The following ACAD10 variants were observed in gnomAD, a reference collection of about 807,000 sequenced individuals.
ACAD10 encodes acyl-CoA dehydrogenase family member 10.
ACAD10 carries 112 observed loss-of-function variants against 116.8 expected under a neutral mutation model. That is an observed-to-expected ratio of 0.96 (90% CI 0.82 to 1.12). The LOEUF is 1.12. Among genes scored for constraint, ACAD10 ranks in the 50% most tolerant of loss-of-function variants. The probability of loss-of-function intolerance (pLI) is 0.00; values close to 1 mark genes in which losing one functional copy is unlikely to be tolerated. For missense variants in ACAD10, 1,259 were observed against 1,350.2 expected (o/e 0.93, Z 1.06); for synonymous variants, 486 against 510.6 (o/e 0.95, Z 0.65).
At position 111,715,872 on chromosome 12, in the gene ACAD10, A is replaced by C. The variant is rs554022849; in HGVS notation, c.902A>C (p.Tyr301Ser). 22 of 1,614,088 alleles carry C rather than the reference A, an allele frequency of 1.4e-5. No homozygotes were observed. Among genetic ancestry groups the C allele is most frequent in the Non-Finnish European group, 1.4e-5 (17 of 1,180,018 alleles). The change falls in exon 7 of 21, where the codon TAC becomes TCC. Residue 301 changes from tyrosine (Y) to serine (S), a missense_variant. Transcript: ENST00000313698. ...FDHGQSNPTYYIRLANRDLVL... is the reference protein window; with the variant it reads ...FDHGQSNPTYSIRLANRDLVL... ...CACGGGCAGTCAAATCCAACTTACT[A>C]CATCAGGCTGGCTAATCGTGATCTA...
At chr12:111,749,033 C>T in intron 17 of ACAD10, 140 bp from the exon 18 acceptor site, 1 of 1,613,030 alleles carries the variant, frequency 6.2e-7, no homozygotes, top group Non-Finnish European at 8.5e-7. Flanking sequence ...CGTCCTTTTC[C>T]CTTTAACCAT....
chr12:111,705,500 G>A (rs189541826), intron 3 of ACAD10, among the ~76,000 whole-genome samples: 25 of 152,310 alleles, frequency 1.6e-4, no homozygotes, highest in Middle Eastern at 3.4e-3. Context: ...TGGGATTACA[G>A]GTGTGAGCCA....
At chr12:111,727,879 A>G in intron 8 of ACAD10, 83 bp from the exon 9 acceptor site, 1 of 1,386,472 alleles carries the variant, frequency 7.2e-7, no homozygotes, top group Non-Finnish European at 9.9e-7. Context: ...ATACCCAGGG[A>G]AAGTGACAAA....
chr12:111,748,975 A>G (rs1889992854), intron 17 of ACAD10, 198 bp from the exon 18 acceptor site: 5 of 1,579,804 alleles, frequency 3.2e-6, no homozygotes, highest in East Asian at 2.3e-5. Flanking sequence ...GTCATTTGCC[A>G]TTATAAATCA....
intron 2 of ACAD10, among the ~76,000 whole-genome samples, chr12:111,694,472 A>G (rs11066003): frequency 0.078 from 11,884 of 152,130 alleles, 1,614 homozygotes; most frequent in East Asian, 0.62. Flanking sequence ...ACTGCACCCC[A>G]GACTGGCACA....
chr12:111,704,885 C>G (rs1282815425), intron 3 of ACAD10, among the ~76,000 whole-genome samples: 1 of 151,690 alleles, frequency 6.6e-6, no homozygotes, highest in African/African-American at 2.4e-5. Flanking sequence ...TAAGGGGTTT[C>G]ACCATGTTAG....
chr12:111,735,901 A>T (rs1889542737), intron 11 of ACAD10, among the ~76,000 whole-genome samples: 1 of 151,572 alleles, frequency 6.6e-6, no homozygotes. Context: ...TATTTTTGAG[A>T]TGGAGTCTCA....
Position 111,709,394 on chromosome 12 carries a change from C to T in ACAD10, c.532-132C>T, listed in dbSNP as rs538707327. 10 of 754,030 alleles carry T rather than the reference C, an allele frequency of 1.3e-5. No homozygotes were observed. The Admixed American group carries it at 1.9e-4, about 14-fold the overall frequency. 46.7% of individuals were successfully genotyped at this position (754,030 alleles called of 1,614,324 possible). On this transcript the variant is annotated intron_variant, in intron 4 of 20. Transcript: ENST00000313698. ...AAGGCAACATCATTTTATATCATAA[C>T]ACTCTTAAATTACTTGTTATAATAA...
chr12:111,745,302 C>T (rs887796702), intron 13 of ACAD10: 1 of 514,080 alleles, frequency 1.9e-6, no homozygotes, highest in East Asian at 2.9e-5. Context: ...CCTTAGAAAG[C>T]CAGGGCAGGT....
At chr12:111,720,153 T>G (rs1362976758) in intron 7 of ACAD10, among the ~76,000 whole-genome samples, 1 of 152,240 alleles carries the variant, frequency 6.6e-6, no homozygotes, top group African/African-American at 2.4e-5. Context: ...CATGAGCTAG[T>G]GTGCTGGGCT....
intron 18 of ACAD10, chr12:111,753,297 G>T: frequency 2.8e-6 from 1 of 353,450 alleles, no homozygotes; most frequent in Non-Finnish European, 5.6e-6. Flanking sequence ...GAGCGAGACG[G>T]GGCTGAGGGG....
chr12:111,705,483 A>G (rs1888472729), intron 3 of ACAD10, among the ~76,000 whole-genome samples: 1 of 152,090 alleles, frequency 6.6e-6, no homozygotes, highest in Non-Finnish European at 1.5e-5. Context: ...TCAGCCTCCC[A>G]CAGTGCTGGG....
chr12:111,697,911 T>C (rs1042268400), intron 2 of ACAD10, among the ~76,000 whole-genome samples: 2 of 151,550 alleles, frequency 1.3e-5, no homozygotes, highest in East Asian at 3.9e-4. Flanking sequence ...TTAATGTTCA[T>C]TTGCCTGATT....
chr12:111,733,272 AT>A (rs999248665), intron 10 of ACAD10, among the ~76,000 whole-genome samples: 1 of 151,208 alleles, frequency 6.6e-6, no homozygotes, highest in African/African-American at 2.4e-5. Flanking sequence ...TAATTTTTAA[AT>A]TTTTTTTTGT....
At chr12:111,702,866 G>A (rs1311705545) in intron 3 of ACAD10, among the ~76,000 whole-genome samples, 3 of 152,036 alleles carry the variant, frequency 2.0e-5, no homozygotes, top group African/African-American at 7.2e-5. Context: ...GGCTGAGACA[G>A]GAGAAGTGTT....
At position 111,712,632 on chromosome 12, in the gene ACAD10, A is replaced by G; in HGVS notation, c.825A>G (p.Lys275=). The change falls in exon 6 of 21, where the codon AAA becomes AAG. Residue 275 remains lysine (K), a synonymous_variant. Coordinates refer to ENST00000313698, the MANE Select transcript of ACAD10 (RefSeq NM_025247.6). The stretch of plus-strand genomic sequence containing the variant: ...AAGATTCCTTGCAGAAGTACCTCAA[A>G]GACTTACTGGGTATCCAGACCACAG... The part of the protein sequence containing the change: ...IPKDSLQKYL[K]DLLGIQTTGP... 6.2e-7 allele frequency: 1 copy of G among 1,614,144 alleles called. No individual in the cohort carries two copies. The highest frequency in any genetic ancestry group is 8.5e-7 in the Non-Finnish European group (1 of 1,180,016).
chr12:111,755,397 C>T (rs894718476), intron 19 of ACAD10, among the ~76,000 whole-genome samples: 9 of 152,060 alleles, frequency 5.9e-5, no homozygotes, highest in South Asian at 2.1e-4. Flanking sequence ...TGAACCACCG[C>T]GCCTGGCCTG....
At chr12:111,723,478 C>T (rs1166384881) in intron 8 of ACAD10, among the ~76,000 whole-genome samples, 11 of 141,056 alleles carry the variant, frequency 7.8e-5, no homozygotes, top group African/African-American at 1.3e-4. Flanking sequence ...CTGACCCCCC[C>T]GCCTCCCTCC....
chr12:111,747,255 G>A lies in ACAD10; in HGVS notation c.2395-40G>A, dbSNP rs201092941. ...GTCGGCCCCACAGGGAACACGGGCT[G>A]TCTGCTGGCGTCTCTGACTGGAATA... On this transcript the variant is annotated intron_variant, in intron 15 of 20. Transcript: ENST00000313698. 1.8e-3 allele frequency: 2,970 copies of A among 1,613,572 alleles called. 10 individuals are homozygous for A. The highest frequency in any genetic ancestry group is 2.1e-3 in the Non-Finnish European group (2,535 of 1,179,530).
Sources: allele counts gnomAD v4.1 joint callset (sites outside exome capture counted in the v4.1 genomes callset), GRCh38; gene constraint gnomAD v4.1.1; transcripts MANE v1.5; gene names NCBI Gene and HGNC (gene_info 2026-07-23, HGNC 2026-07-21).